KLHL42: variants seen among roughly 807,000 people sequenced by gnomAD.
KLHL42 encodes kelch like family member 42.
In KLHL42, 27 loss-of-function variants were observed where a neutral mutation model predicts 32.7. The ratio of observed to expected loss-of-function variants is 0.83; its 90% CI spans 0.61 to 1.14. The LOEUF (loss-of-function observed/expected upper bound fraction) is 1.14, where lower values mean the gene tolerates loss of function less well. Among genes scored for constraint, KLHL42 ranks in the 50% most tolerant of loss-of-function variants. The pLI is 0.00. For missense variants in KLHL42, 491 were observed against 560.8 expected, an observed-to-expected ratio of 0.88 and a Z score of 1.26; for synonymous variants, 267 against 248.2, an observed-to-expected ratio of 1.08 and a Z score of -0.71.
chr12:27,780,919 G>C lies in KLHL42; in HGVS notation c.589G>C (p.Val197Leu). The change falls in exon 1 of 3, where the codon GTG becomes CTG. Residue 197 changes from valine to leucine, a missense_variant. Physicochemically the swap from Val to Leu is conservative, Grantham distance 32 (BLOSUM62 1). This residue lies in a region of KLHL42 where 248 missense variants were observed against 329.2 expected (regional missense o/e 0.75). Transcript: ENST00000381271. The surrounding 1 kb of genome is among the most constrained non-coding windows in gnomAD (Gnocchi z 8.8). ...EARMTGTPVL[V>L]ALGDFLGGPL... is the part of the protein sequence containing the mutation. ...CCGGATGACTGGGACTCCTGTCCTC[G>C]TGGCCCTCGGGGACTTCCTGGGGGG... is the stretch of plus-strand genomic sequence containing the variant. 1 of 1,606,748 alleles carries C rather than the reference G, an allele frequency of 6.2e-7. No homozygotes were observed.
rs1256436209 is a variant in KLHL42 at position 27,802,107 on chromosome 12, A to G, written c.*3941A>G. 6.6e-6 allele frequency: 1 copy of G among 151,586 alleles called. No individual in the cohort carries two copies. The highest frequency in any genetic ancestry group is 2.4e-5 in the African/African-American group (1 of 41,346). The allele number at this position is 151,586 out of a possible 1,614,324, so 9.4% of individuals were successfully genotyped here. ...CAGTTTTGTTTTTCTTTTAAATTTG[A>G]ACATCACATCTTGTGTTTTAGTTTT... On this transcript the variant is annotated 3_prime_UTR_variant, in exon 3 of 3. Coordinates refer to ENST00000381271, the MANE Select transcript of KLHL42 (RefSeq NM_020782.2).
rs2062240176 is a variant in KLHL42, at chr12:27,800,349, GGGGTGTGTGT to G, written c.*2185_*2194del. On this transcript the variant is annotated 3_prime_UTR_variant, in exon 3 of 3. Coordinates refer to ENST00000381271, the MANE Select transcript of KLHL42 (RefSeq NM_020782.2). ...AGGTTTGAGGTTGTGTGTGTGTGTG[GGGGTGTGTGT>G]GTGTGTGTGTGTGTATGTTTGCATA... The G allele has an allele frequency of 3.2e-6, 2 of 615,544 alleles. No individual in the cohort carries two copies. The highest frequency in any genetic ancestry group is 2.6e-4 in the East Asian group (1 of 3,802). 38.1% of individuals were successfully genotyped at this position (615,544 alleles called of 1,614,324 possible). A position where few individuals can be genotyped will look rare whatever the true frequency, so the allele number is the denominator to read the frequency against.
intron 1 of KLHL42, among the ~76,000 whole-genome samples, chr12:27,791,053 C>G (rs1331719490): frequency 6.6e-6 from 1 of 152,110 alleles, no homozygotes; most frequent in African/African-American, 2.4e-5. Context: ...AGAGCAAGAC[C>G]CTGTTTCATA....
intron 2 of KLHL42, among the ~76,000 whole-genome samples, chr12:27,795,442 C>T (rs2062214414): frequency 6.6e-6 from 1 of 152,096 alleles, no homozygotes. Context: ...AGCCAAATAC[C>T]CATGATGGGA....
At chr12:27,781,555 T>A (rs1299833405) in intron 1 of KLHL42, among the ~76,000 whole-genome samples, 1 of 152,250 alleles carries the variant, frequency 6.6e-6, no homozygotes, top group African/African-American at 2.4e-5. Context: ...TCTTAGTTTT[T>A]AGGATTTGAT....
In KLHL42 at chr12:27,798,278, A is replaced by T. The variant is rs548069601; in HGVS notation, c.*112A>T. ...GGGTAAAGAAGGGTTAAAGTAGGTC[A>T]CATATATACAGTAGCAGCTGTAAAT... On this transcript the variant is annotated 3_prime_UTR_variant, in exon 3 of 3. Coordinates refer to ENST00000381271, the MANE Select transcript of KLHL42 (RefSeq NM_020782.2). The T allele has an allele frequency of 1.6e-6, 1 of 632,124 alleles. No individual in the cohort carries two copies. The highest frequency in any genetic ancestry group is 1.8e-5 in the African/African-American group (1 of 54,984). 39.2% of individuals were successfully genotyped at this position (632,124 alleles called of 1,614,324 possible).
intron 1 of KLHL42, 69 bp downstream of exon 1, chr12:27,781,271 G>A: frequency 6.6e-7 from 1 of 1,521,512 alleles, no homozygotes; most frequent in Admixed American, 1.8e-5. Flanking sequence ...TTACCCCAGT[G>A]TTTACTGAGC....
chr12:27,785,328 T>C (rs2062167523), intron 1 of KLHL42, among the ~76,000 whole-genome samples: 1 of 152,196 alleles, frequency 6.6e-6, no homozygotes, highest in African/African-American at 2.4e-5. Context: ...GCCTCCCCAG[T>C]AGCTGGGACT....
chr12:27,793,253 A>C (rs1370228750), intron 2 of KLHL42, among the ~76,000 whole-genome samples: 1 of 151,752 alleles, frequency 6.6e-6, no homozygotes, highest in Non-Finnish European at 1.5e-5. Context: ...AAAATGAAAA[A>C]AATTAGCTGG....
intron 2 of KLHL42, chr12:27,797,130 A>AAAAC: frequency 2.4e-6 from 1 of 408,734 alleles, no homozygotes; most frequent in Non-Finnish European, 4.8e-6. Context: ...TCTTTAAAAA[A>AAAAC]AAACAAAAAA....
intron 1 of KLHL42, among the ~76,000 whole-genome samples, chr12:27,784,746 C>T (rs1467800143): frequency 6.6e-6 from 1 of 152,234 alleles, no homozygotes; most frequent in East Asian, 1.9e-4. Flanking sequence ...GTTCCCTATA[C>T]TCTTGCCAAG....
chr12:27,794,750 A>G (rs1172027898), intron 2 of KLHL42, among the ~76,000 whole-genome samples: 1 of 152,078 alleles, frequency 6.6e-6, no homozygotes, highest in Non-Finnish European at 1.5e-5. Context: ...AACCCACTGA[A>G]GTGATGTGTA....
chr12:27,780,314 C>A lies in KLHL42; in HGVS notation c.-17C>A, dbSNP rs1486195274. ...GCAGATCTGGCGGTGAGCGCTGCCG[C>A]CCCGGGGCCCCCAGCCATGTCGGCC... On this transcript the variant is annotated 5_prime_UTR_variant, in exon 1 of 3. Transcript: ENST00000381271. This position sits in a 1 kb window ranked among gnomAD's most constrained non-coding sequence, Gnocchi z 8.8. 1 of 1,545,610 alleles carries A rather than the reference C, an allele frequency of 6.5e-7. No homozygotes were observed. The highest frequency in any genetic ancestry group is 1.9e-5 in the Admixed American group (1 of 51,922).
rs1320650093 is a variant in KLHL42 at position 27,799,645 on chromosome 12, A to G, written c.*1479A>G. On this transcript the variant is annotated 3_prime_UTR_variant, in exon 3 of 3. Coordinates refer to ENST00000381271, the MANE Select transcript of KLHL42 (RefSeq NM_020782.2). ...CTGTGCAGATGTAGGACAGGGGCTA[A>G]TCACTTAGAGTTCTTCAGTTTATTA... 6.6e-6 allele frequency: 1 copy of G among 152,626 alleles called. No homozygotes were observed. The highest frequency in any genetic ancestry group is 1.9e-4 in the East Asian group (1 of 5,200). 9.5% of individuals were successfully genotyped at this position (152,626 alleles called of 1,614,324 possible). A position where few individuals can be genotyped will look rare whatever the true frequency, so the allele number is the denominator to read the frequency against.
intron 1 of KLHL42, among the ~76,000 whole-genome samples, chr12:27,790,243 T>C (rs954688899): frequency 4.6e-5 from 7 of 152,272 alleles, no homozygotes; most frequent in African/African-American, 1.7e-4. Flanking sequence ...TAGTATTTTA[T>C]CTCTGTGTAG....
At chr12:27,789,362 G>A (rs1373504153) in intron 1 of KLHL42, among the ~76,000 whole-genome samples, 1 of 152,200 alleles carries the variant, frequency 6.6e-6, no homozygotes. Flanking sequence ...ATAACCTTTA[G>A]CAGTATGCCT....
chr12:27,791,141 C>G (rs532562211), intron 1 of KLHL42, among the ~76,000 whole-genome samples: 1 of 152,300 alleles, frequency 6.6e-6, no homozygotes, highest in Admixed American at 6.5e-5. Flanking sequence ...TGTTGTGAAG[C>G]AGTATGTTAG....
intron 2 of KLHL42, among the ~76,000 whole-genome samples, chr12:27,793,195 C>G (rs531279162): frequency 6.6e-6 from 1 of 152,148 alleles, no homozygotes; most frequent in South Asian, 2.1e-4. Context: ...TTGCTTGAGG[C>G]TGAGAGTTGA....
chr12:27,781,102 GT>G lies in KLHL42; in HGVS notation c.773del (p.Val258GlyfsTer30), dbSNP rs2062145843. ...SAILDNYLFI[V>X]GGYRITSQEI... ...CATCCTGGACAACTACCTCTTCATA[GT>G]GGGCGGGTACAGGATCACTAGCCAG... On this transcript the variant is annotated frameshift_variant, in exon 1 of 3. Coordinates refer to ENST00000381271, the MANE Select transcript of KLHL42 (RefSeq NM_020782.2). LOFTEE classifies it high-confidence loss of function. The G allele has an allele frequency of 6.2e-7, 1 of 1,614,190 alleles. No individual in the cohort carries two copies. The highest frequency in any genetic ancestry group is 2.2e-5 in the East Asian group (1 of 44,888).
Sources: gnomAD v4.1 joint callset for allele counts (sites outside exome capture counted in the v4.1 genomes callset) on GRCh38, gnomAD v4.1.1 for gene constraint, gnomAD v4.1.1 regional missense constraint, Gnocchi (gnomAD v3.1) non-coding constraint, MANE v1.5 for transcripts, NCBI Gene and HGNC (gene_info 2026-07-23, HGNC 2026-07-21) for gene names.